Variants in SMCHD1 observed in about 807,000 individuals in gnomAD.
The protein encoded by SMCHD1 is structural maintenance of chromosomes flexible hinge domain-containing protein 1.
In SMCHD1, 78 loss-of-function variants were observed where a neutral mutation model predicts 254.7. The ratio of observed to expected loss-of-function variants is 0.31; its 90% CI spans 0.26 to 0.37. The LOEUF is 0.37. SMCHD1 is among the 10% of genes least tolerant of loss of function. The pLI, the probability that SMCHD1 is intolerant of heterozygous loss-of-function variation, is 1.00. For missense variants in SMCHD1, 1,840 were observed against 2,408.1 expected (o/e 0.76, Z 4.94); for synonymous variants, 766 against 794.9 (o/e 0.96, Z 0.61).
chr18:2,788,747 C>T (rs1168521215), intron 45 of SMCHD1, among the ~76,000 whole-genome samples: 1 of 151,896 alleles, frequency 6.6e-6, no homozygotes, highest in Non-Finnish European at 1.5e-5. Flanking sequence ...TACAGGTGCA[C>T]GCCTCCATAC....
chr18:2,730,780 CTT>C lies in SMCHD1; in HGVS notation c.3048+1374_3048+1375del, dbSNP rs796377165. Among the ~76,000 whole-genome samples, 17 of 152,310 alleles carry C rather than the reference CTT, an allele frequency of 1.1e-4. No individual in the cohort carries two copies. In the East Asian group the frequency reaches 2.9e-3, roughly 26 times the overall value. On this transcript the variant is annotated intron_variant, in intron 24 of 47. Transcript: ENST00000320876. ...TGAACCTCAAATGGATACAAGATGT[CTT>C]TTACTTTTTAAATTAGAATGAGATG... is the stretch of plus-strand genomic sequence containing the variant.
intron 29 of SMCHD1, 103 bp downstream of exon 29, chr18:2,744,031 C>A: frequency 9.8e-7 from 1 of 1,018,570 alleles, no homozygotes; most frequent in Non-Finnish European, 1.4e-6. Context: ...GCTGAAGTAA[C>A]AACTAACAGT....
chr18:2,662,559 GGT>G (rs1438604738), intron 1 of SMCHD1, among the ~76,000 whole-genome samples: 1 of 151,626 alleles, frequency 6.6e-6, no homozygotes, highest in Non-Finnish European at 1.5e-5. Flanking sequence ...GCAGGAGAAT[GGT>G]GTGAACCCGG....
chr18:2,743,248 T>C (rs1316682560), intron 28 of SMCHD1, among the ~76,000 whole-genome samples: 1 of 152,136 alleles, frequency 6.6e-6, no homozygotes, highest in Non-Finnish European at 1.5e-5. Context: ...GCTCCTGACC[T>C]TGTGGAAATC....
At chr18:2,779,261 G>A (rs2076117027) in intron 44 of SMCHD1, among the ~76,000 whole-genome samples, 1 of 152,168 alleles carries the variant, frequency 6.6e-6, no homozygotes, top group Non-Finnish European at 1.5e-5. Flanking sequence ...GGTGGTGGCA[G>A]CTCTAAAATG....
At chr18:2,794,366 AATCC>A (rs2076222639) in intron 45 of SMCHD1, among the ~76,000 whole-genome samples, 1 of 152,040 alleles carries the variant, frequency 6.6e-6, no homozygotes. Context: ...ATTTGCCTGT[AATCC>A]GAGCTATTGC....
intron 36 of SMCHD1, among the ~76,000 whole-genome samples, chr18:2,763,166 T>C (rs1407743124): frequency 2.6e-5 from 4 of 152,214 alleles, no homozygotes; most frequent in Non-Finnish European, 5.9e-5. Flanking sequence ...CAAAACATCT[T>C]GTTGGGGTAA....
At chr18:2,668,875 T>C (rs553166923) in intron 3 of SMCHD1, among the ~76,000 whole-genome samples, 15 of 152,264 alleles carry the variant, frequency 9.9e-5, no homozygotes, top group South Asian at 2.1e-4. Context: ...CTTTTTGATA[T>C]ACTTTTTTCA....
rs1032657174 is a variant in SMCHD1, at chr18:2,770,746, A to T, written c.4966+638A>T. On this transcript the variant is annotated intron_variant, in intron 39 of 47. Transcript: ENST00000320876. Reference sequence around the variant, plus strand: ...AGTGATTCTCGTGCCTCAGCCTCCCAAGTAGCTAGGATTACAGGCACATGC... The same window carrying T: ...AGTGATTCTCGTGCCTCAGCCTCCCTAGTAGCTAGGATTACAGGCACATGC... 3.3e-5 allele frequency among the ~76,000 whole-genome samples: 5 copies of T among 152,020 alleles called. No homozygotes were observed. The South Asian group carries it at 1.0e-3, about 32-fold the overall frequency.
chr18:2,727,547 G>C (rs750075837), intron 22 of SMCHD1, among the ~76,000 whole-genome samples: 1 of 152,012 alleles, frequency 6.6e-6, no homozygotes, highest in Non-Finnish European at 1.5e-5. Context: ...TTTTTGTGGG[G>C]TAAATAGGAA....
intron 23 of SMCHD1, 146 bp downstream of exon 23, chr18:2,728,742 G>GT (rs67636305): frequency 7.5e-4 from 402 of 533,458 alleles, no homozygotes; most frequent in Middle Eastern, 2.8e-3. Context: ...ATTGCCAATA[G>GT]TTTTTTTTTT....
intron 8 of SMCHD1, 126 bp downstream of exon 8, chr18:2,694,819 TTA>T (rs779459732): frequency 2.6e-5 from 19 of 735,304 alleles, no homozygotes; most frequent in Non-Finnish European, 3.4e-5. Context: ...CCCTTTAGTA[TTA>T]TCCAGTACTC....
chr18:2,792,621 A>C (rs2143846366), intron 45 of SMCHD1, among the ~76,000 whole-genome samples: 1 of 152,230 alleles, frequency 6.6e-6, no homozygotes, highest in East Asian at 1.9e-4. Flanking sequence ...CATCAAAAGT[A>C]TTAACATTTT....
In SMCHD1 at chr18:2,694,562, A is replaced by T; in HGVS notation, c.909A>T (p.Glu303Asp). 1 of 1,603,190 alleles carries T rather than the reference A, an allele frequency of 6.2e-7. No homozygotes were observed. Among genetic ancestry groups the T allele is most frequent in the South Asian group, 1.1e-5 (1 of 89,656 alleles). ...CTGTTCACATTACAAATGATGATGA[A>T]AGATTTCTACATCATCTTATCATAG... is the stretch of plus-strand genomic sequence containing the variant. Reference protein sequence around the residue: ...SDSVHITNDDERFLHHLIIEE... With the variant: ...SDSVHITNDDDRFLHHLIIEE... The change falls in exon 8 of 48, where the codon GAA becomes GAT. Residue 303 changes from glutamate to aspartate, a missense_variant. Glu to Asp is a conservative substitution (Grantham distance 45, BLOSUM62 2). Coordinates refer to ENST00000320876, the MANE Select transcript of SMCHD1 (RefSeq NM_015295.3).
At chr18:2,738,251 G>T in intron 25 of SMCHD1, 146 bp from the exon 26 acceptor site, 1 of 641,704 alleles carries the variant, frequency 1.6e-6, no homozygotes, top group Non-Finnish European at 2.5e-6. Flanking sequence ...ATTAGTATAT[G>T]AACCACACCG....
intron 34 of SMCHD1, among the ~76,000 whole-genome samples, chr18:2,759,569 C>CTTTTT (rs763885639): frequency 7.0e-4 from 26 of 36,988 alleles, no homozygotes; most frequent in South Asian, 2.4e-3. Flanking sequence ...TTTTAATTCT[C>CTTTTT]TCTTTTTTTT....
At chr18:2,736,788 T>C (rs776948770) in intron 25 of SMCHD1, among the ~76,000 whole-genome samples, 14 of 152,340 alleles carry the variant, frequency 9.2e-5, no homozygotes, top group Admixed American at 2.0e-4. Flanking sequence ...GGAACACTTA[T>C]GCACTGTCGG....
At chr18:2,730,073 C>G (rs2075107063) in intron 24 of SMCHD1, among the ~76,000 whole-genome samples, 1 of 152,108 alleles carries the variant, frequency 6.6e-6, no homozygotes, top group African/African-American at 2.4e-5. Flanking sequence ...TCTGTTTAAA[C>G]CACCATGGAA....
chr18:2,721,644 A>G (rs1029414232), intron 19 of SMCHD1, among the ~76,000 whole-genome samples: 2 of 152,180 alleles, frequency 1.3e-5, no homozygotes, highest in Non-Finnish European at 2.9e-5. Flanking sequence ...AGGCTATGCC[A>G]TGGTACCTTC....
Sources: allele counts gnomAD v4.1 joint callset (sites outside exome capture counted in the v4.1 genomes callset), GRCh38; gene constraint gnomAD v4.1.1; transcripts MANE v1.5; gene names NCBI Gene and HGNC (gene_info 2026-07-23, HGNC 2026-07-21).